The following ERC2 variants were observed in gnomAD, a reference collection of about 807,000 sequenced individuals.
The protein encoded by ERC2 is ELKS/RAB6-interacting/CAST family member 2, also known as ERC protein 2.
A neutral mutation model predicts 114.8 loss-of-function variants in ERC2; 42 were observed. The ratio of observed to expected loss-of-function variants is 0.37; its 90% CI spans 0.29 to 0.47. The LOEUF (loss-of-function observed/expected upper bound fraction) is 0.47, where lower values mean the gene tolerates loss of function less well. ERC2 is among the 20% of genes least tolerant of loss of function. ERC2 has a pLI of 0.99. For synonymous variants in ERC2, 454 were observed against 425.5 expected, an observed-to-expected ratio of 1.07 and a Z score of -0.82; for missense variants, 939 against 1,150.7, an observed-to-expected ratio of 0.82 and a Z score of 2.66.
chr3:55,942,301 T>TTTTG (rs1559906638), intron 13 of ERC2, among the ~76,000 whole-genome samples: 1 of 120,780 alleles, frequency 8.3e-6, no homozygotes, highest in African/African-American at 3.4e-5. Flanking sequence ...TTTTTTTTTT[T>TTTTG]TTGTTGAGAC....
rs967700163 is a variant in ERC2 at position 56,360,251 on chromosome 3, G to A, written c.658-63816C>T. ...TTTTTAGTAGAGATGGGGTTTCACC[G>A]TCTTGATCTCCTGACCTTGTGATCC... On this transcript the variant is annotated intron_variant, in intron 2 of 17. Transcript: ENST00000288221. 1.1e-4 allele frequency among the ~76,000 whole-genome samples: 16 copies of A among 151,498 alleles called. 1 individual carries two copies. Among genetic ancestry groups the A allele is most frequent in the South Asian group, 6.3e-4 (3 of 4,780 alleles).
chr3:55,683,261 G>A (rs536632149), intron 17 of ERC2, among the ~76,000 whole-genome samples: 1 of 152,264 alleles, frequency 6.6e-6, no homozygotes, highest in African/African-American at 2.4e-5. Flanking sequence ...GTTTTCTTCA[G>A]AACTGCCATA....
At chr3:56,229,308 C>A (rs765400709) in intron 3 of ERC2, among the ~76,000 whole-genome samples, 8 of 152,162 alleles carry the variant, frequency 5.3e-5, no homozygotes, top group Admixed American at 2.6e-4. Context: ...CACTCCTAAG[C>A]ACAGTGCATT....
chr3:56,181,251 C>T (rs1258821872), intron 3 of ERC2, among the ~76,000 whole-genome samples: 1 of 152,158 alleles, frequency 6.6e-6, no homozygotes, highest in Non-Finnish European at 1.5e-5. Flanking sequence ...CTAAAACATA[C>T]TGTTATTTCT....
intron 1 of ERC2, among the ~76,000 whole-genome samples, chr3:56,447,081 A>C (rs2062610217): frequency 1.3e-5 from 2 of 152,242 alleles, no homozygotes; most frequent in African/African-American, 4.8e-5. Flanking sequence ...GAAGCCAAAG[A>C]GAAAGCCCTC....
intron 13 of ERC2, among the ~76,000 whole-genome samples, chr3:55,930,481 C>G (rs1273072653): frequency 6.6e-6 from 1 of 152,038 alleles, no homozygotes; most frequent in Non-Finnish European, 1.5e-5. Flanking sequence ...TTTGACAAAC[C>G]TGATAAAAAC....
intron 3 of ERC2, among the ~76,000 whole-genome samples, chr3:56,212,560 A>G (rs1212978968): frequency 2.0e-5 from 3 of 152,204 alleles, no homozygotes; most frequent in East Asian, 3.9e-4. Context: ...TCCTTAAAGA[A>G]CTAAAAGTAA....
intron 2 of ERC2, among the ~76,000 whole-genome samples, chr3:56,357,531 G>T (rs1239016305): frequency 6.6e-6 from 1 of 151,968 alleles, no homozygotes; most frequent in Non-Finnish European, 1.5e-5. Context: ...CCAGCACAGG[G>T]TCCTGGTCTC....
At chr3:56,392,790 A>T (rs1033950532) in intron 2 of ERC2, among the ~76,000 whole-genome samples, 2 of 152,220 alleles carry the variant, frequency 1.3e-5, no homozygotes, top group Non-Finnish European at 2.9e-5. Flanking sequence ...ATCTCAGGAA[A>T]CAAGGACCTC....
intron 17 of ERC2, among the ~76,000 whole-genome samples, chr3:55,593,724 C>T (rs1247560521): frequency 6.6e-6 from 1 of 152,086 alleles, no homozygotes; most frequent in Non-Finnish European, 1.5e-5. Context: ...CCATTTCCTC[C>T]AGGGCCAAAT....
At chr3:55,881,383 C>A (rs1324320096) in intron 14 of ERC2, among the ~76,000 whole-genome samples, 2 of 152,092 alleles carry the variant, frequency 1.3e-5, no homozygotes, top group Admixed American at 6.6e-5. Context: ...ATGAATTGCA[C>A]CATATCGTCA....
At chr3:55,988,196 G>A (rs1018117251) in intron 11 of ERC2, among the ~76,000 whole-genome samples, 11 of 152,300 alleles carry the variant, frequency 7.2e-5, no homozygotes, top group South Asian at 4.1e-4. Flanking sequence ...GGTTTAATTA[G>A]ACACTAGGTT....
intron 17 of ERC2, among the ~76,000 whole-genome samples, chr3:55,584,805 C>T (rs780721849): frequency 4.6e-5 from 7 of 152,176 alleles, no homozygotes; most frequent in Non-Finnish European, 1.0e-4. Flanking sequence ...AGGGGAGCAC[C>T]ACCAGCAAAT....
intron 5 of ERC2, among the ~76,000 whole-genome samples, chr3:56,140,311 C>T (rs2080777911): frequency 6.6e-6 from 1 of 152,130 alleles, no homozygotes; most frequent in Admixed American, 6.6e-5. Context: ...ATAATTACCA[C>T]CCCAAATTTT....
At chr3:56,198,752 A>G (rs888483164) in intron 3 of ERC2, among the ~76,000 whole-genome samples, 2 of 152,206 alleles carry the variant, frequency 1.3e-5, no homozygotes, top group Non-Finnish European at 2.9e-5. Context: ...GACTGGAGGT[A>G]AGGAAAGAGT....
chr3:55,913,924 G>C (rs1253007965), intron 13 of ERC2, among the ~76,000 whole-genome samples: 1 of 152,146 alleles, frequency 6.6e-6, no homozygotes, highest in Non-Finnish European at 1.5e-5. Flanking sequence ...CTTGAAGCTA[G>C]AGATTCAAAA....
At chr3:56,101,022 G>T (rs191117713) in intron 6 of ERC2, among the ~76,000 whole-genome samples, 1 of 152,170 alleles carries the variant, frequency 6.6e-6, no homozygotes, top group African/African-American at 2.4e-5. Context: ...TCATACTACA[G>T]TTCTGAATGG....
chr3:56,028,781 A>G (rs1417932214), intron 7 of ERC2, among the ~76,000 whole-genome samples: 1 of 152,050 alleles, frequency 6.6e-6, no homozygotes, highest in African/African-American at 2.4e-5. Flanking sequence ...GTCATCTTCA[A>G]AAAAGGATGA....
intron 6 of ERC2, among the ~76,000 whole-genome samples, chr3:56,089,963 T>C (rs1401643847): frequency 2.6e-5 from 4 of 152,132 alleles, no homozygotes; most frequent in African/African-American, 9.7e-5. Flanking sequence ...GGCCAGGTGG[T>C]GGGGCAGGAG....
Sources: gnomAD v4.1 joint callset for allele counts (sites outside exome capture counted in the v4.1 genomes callset) on GRCh38, gnomAD v4.1.1 for gene constraint, MANE v1.5 for transcripts, NCBI Gene and HGNC (gene_info 2026-07-23, HGNC 2026-07-21) for gene names.